The following SCN3A variants were observed in gnomAD, a reference collection of about 807,000 sequenced individuals.
The protein encoded by SCN3A is sodium voltage-gated channel alpha subunit 3.
In SCN3A, 60 loss-of-function variants were observed where a neutral mutation model predicts 187.6. The observed-to-expected ratio is 0.32, with a 90% confidence interval of 0.26 to 0.40. The LOEUF (loss-of-function observed/expected upper bound fraction) is 0.40. Ranked by LOEUF, SCN3A falls within the 10% of genes least tolerant of loss-of-function variation. The probability of loss-of-function intolerance (pLI) is 1.00; values close to 1 mark genes in which losing one functional copy is unlikely to be tolerated. For synonymous variants in SCN3A, 788 were observed against 829.2 expected, an observed-to-expected ratio of 0.95 and a Z score of 0.85; for missense variants, 1,601 against 2,428.2, an observed-to-expected ratio of 0.66 and a Z score of 7.16.
chr2:165,103,841 T>C (rs1034515929), intron 21 of SCN3A, among the ~76,000 whole-genome samples: 1 of 152,298 alleles, frequency 6.6e-6, no homozygotes, highest in African/African-American at 2.4e-5. Flanking sequence ...TGATGATATA[T>C]TTCAATCTAA....
At chr2:165,162,518 C>A in intron 8 of SCN3A, 38 bp downstream of exon 8, 1 of 1,612,922 alleles carries the variant, frequency 6.2e-7, no homozygotes. Flanking sequence ...AAAATTCATT[C>A]AGCAACACTA....
chr2:165,165,635 T>G (rs1212710883), intron 5 of SCN3A, among the ~76,000 whole-genome samples: 1 of 152,152 alleles, frequency 6.6e-6, no homozygotes, highest in African/African-American at 2.4e-5. Flanking sequence ...AAAGCACAAT[T>G]TAAGTTTATT....
chr2:165,129,780 A>G (rs1372922085), intron 17 of SCN3A, among the ~76,000 whole-genome samples, 160 bp downstream of exon 17: 1 of 152,226 alleles, frequency 6.6e-6, no homozygotes, highest in Non-Finnish European at 1.5e-5. Context: ...ACCAGAGCCC[A>G]GGAGAAGTTA....
chr2:165,135,118 G>T (rs975505818), intron 15 of SCN3A, among the ~76,000 whole-genome samples: 1 of 152,048 alleles, frequency 6.6e-6, no homozygotes, highest in African/African-American at 2.4e-5. Context: ...TGTCAGGTAA[G>T]TTGGAAATGT....
rs1685152013 is a variant in SCN3A at position 165,092,437 on chromosome 2, T to G, written c.4624A>C (p.Thr1542Pro). 6.2e-7 allele frequency: 1 copy of G among 1,613,874 alleles called. No individual in the cohort carries two copies. The change falls in exon 27 of 28, where the codon ACC (threonine) becomes CCC (proline). Residue 1542 changes from threonine (T) to proline (P), a missense_variant. Transcript: ENST00000283254. The surrounding 1 kb of genome is among the most constrained non-coding windows in gnomAD (Gnocchi z 4.2). The part of the protein sequence containing the change: ...IMILICLNMV[T>P]MMVETDDQGK... ...TGGTCATCCGTTTCCACCATCATGG[T>G]GACCATGTTGAGGCAGATGAGGATC... is the stretch of plus-strand genomic sequence containing the variant.
At chr2:165,159,447 C>T (rs1241448618) in intron 9 of SCN3A, among the ~76,000 whole-genome samples, 1 of 137,310 alleles carries the variant, frequency 7.3e-6, no homozygotes, top group Non-Finnish European at 1.5e-5. Context: ...GCCTCGACCT[C>T]CCAGGCTCAA....
intron 11 of SCN3A, among the ~76,000 whole-genome samples, chr2:165,149,730 G>A (rs183169551): frequency 3.7e-4 from 56 of 152,198 alleles, no homozygotes; most frequent in African/African-American, 1.3e-3. Flanking sequence ...AATGTCCTGC[G>A]TATGAGAATA....
intron 15 of SCN3A, among the ~76,000 whole-genome samples, chr2:165,132,679 TAGA>T (rs1361287092): frequency 6.6e-6 from 1 of 152,128 alleles, no homozygotes; most frequent in African/African-American, 2.4e-5. Context: ...ATAAAAACCC[TAGA>T]AGAAAACCTA....
chr2:165,102,387 G>T (rs778693779), intron 21 of SCN3A, among the ~76,000 whole-genome samples: 1 of 152,076 alleles, frequency 6.6e-6, no homozygotes, highest in African/African-American at 2.4e-5. Flanking sequence ...ATGGTGGCTC[G>T]CACTTGTAGC....
chr2:165,140,798 G>T lies in SCN3A; in HGVS notation c.1872C>A (p.Asn624Lys). ...PHRHGERRNS[N>K]VSQASMSSRM... is the part of the protein sequence containing the mutation. The stretch of plus-strand genomic sequence containing the variant: ...TGGATGACATACTGGCCTGACTAAC[G>T]TTACTGTTGCGTCGCTCTCCATGTC... The change falls in exon 13 of 28, where the codon AAC becomes AAA. Residue 624 changes from asparagine to lysine, a missense_variant. Around this residue, in one of 11 missense-constraint regions of SCN3A, gnomAD observed 376 missense variants for 476.0 expected, o/e 0.79. Transcript: ENST00000283254. This position sits in a 1 kb window ranked among gnomAD's most constrained non-coding sequence, Gnocchi z 4.2. 9.3e-6 allele frequency: 15 copies of T among 1,614,096 alleles called. No individual in the cohort carries two copies. Among genetic ancestry groups the T allele is most frequent in the Non-Finnish European group, 1.2e-5 (14 of 1,179,998 alleles).
Position 165,154,534 on chromosome 2 carries a change from G to A in SCN3A, c.1298C>T (p.Ala433Val), listed in dbSNP as rs1230288121. Reference protein sequence around the residue: ...VAMAYEEQNQATLEEAEQKEA... With the variant: ...VAMAYEEQNQVTLEEAEQKEA... ...TTTTTGTTCTGCTTCTTCCAAGGTG[G>A]CCTGATTCTGCTCCTCATAGGCCAT... Residue 433 changes from alanine to valine, a missense_variant, in exon 11 of 28, where the codon GCC (alanine) becomes GTC (valine). By Grantham distance (64) the Ala-to-Val change is moderately conservative. Transcript: ENST00000283254. The A allele has an allele frequency of 1.2e-6, 2 of 1,613,888 alleles. No individual in the cohort carries two copies. The highest frequency in any genetic ancestry group is 1.7e-6 in the Non-Finnish European group (2 of 1,180,000).
intron 2 of SCN3A, among the ~76,000 whole-genome samples, chr2:165,176,863 T>C (rs1690503211): frequency 6.6e-6 from 1 of 152,220 alleles, no homozygotes; most frequent in Non-Finnish European, 1.5e-5. Flanking sequence ...TGCTTAATTA[T>C]TCTGCATCCT....
intron 21 of SCN3A, among the ~76,000 whole-genome samples, chr2:165,106,222 G>A (rs116259657): frequency 0.011 from 1,577 of 148,832 alleles, 19 homozygotes; most frequent in African/African-American, 0.032. Flanking sequence ...AGTGGGGGAG[G>A]GGTCTTTAAA....
chr2:165,107,812 T>C (rs1685934464), intron 21 of SCN3A, among the ~76,000 whole-genome samples: 1 of 152,154 alleles, frequency 6.6e-6, no homozygotes, highest in African/African-American at 2.4e-5. Context: ...AAAATAGAAA[T>C]AATAATACAA....
chr2:165,097,417 A>G lies in SCN3A; in HGVS notation c.4074T>C (p.Ala1358=), dbSNP rs945502734. Residue 1358 remains alanine (A), a synonymous_variant, in exon 23 of 28, where the codon GCT becomes GCC. Transcript: ENST00000283254. ...TGTTAACACAGTGGTAGAACTTGCCAGCAAACAAATTCACACCCATGATGC... is the reference window on the plus strand; with the variant it reads ...TGTTAACACAGTGGTAGAACTTGCCGGCAAACAAATTCACACCCATGATGC... ...IFSIMGVNLF[A]GKFYHCVNMT... 32 of 1,614,036 alleles carry G rather than the reference A, an allele frequency of 2.0e-5. No individual in the cohort carries two copies. The highest frequency in any genetic ancestry group is 2.5e-5 in the Non-Finnish European group (30 of 1,179,996).
chr2:165,199,481 T>C (rs2105994779), intron 1 of SCN3A, among the ~76,000 whole-genome samples: 1 of 152,070 alleles, frequency 6.6e-6, no homozygotes, highest in African/African-American at 2.4e-5. Context: ...TACTTTTCAG[T>C]TGTTCTTTAT....
intron 2 of SCN3A, among the ~76,000 whole-genome samples, chr2:165,183,723 C>T (rs1691037878): frequency 6.6e-6 from 1 of 152,152 alleles, no homozygotes; most frequent in South Asian, 2.1e-4. Flanking sequence ...CTCTTTCCCT[C>T]TCTCTGTCGG....
At chr2:165,162,971 G>C in intron 7 of SCN3A, 143 bp from the exon 8 acceptor site, 1 of 977,256 alleles carries the variant, frequency 1.0e-6, no homozygotes, top group Non-Finnish European at 1.6e-6. Flanking sequence ...GATGATTTGG[G>C]AAATAGATGA....
At chr2:165,184,450 A>G (rs1421752499) in intron 2 of SCN3A, among the ~76,000 whole-genome samples, 1 of 149,862 alleles carries the variant, frequency 6.7e-6, no homozygotes, top group Non-Finnish European at 1.5e-5. Context: ...ACTAGATAAG[A>G]CAAGGAGCCA....
Sources: allele counts gnomAD v4.1 joint callset (sites outside exome capture counted in the v4.1 genomes callset), GRCh38; gene constraint gnomAD v4.1.1; regional missense constraint gnomAD v4.1.1; non-coding constraint Gnocchi (gnomAD v3.1); transcripts MANE v1.5; gene names NCBI Gene and HGNC (gene_info 2026-07-23, HGNC 2026-07-21).